PLEKHG1: variants seen among roughly 807,000 people sequenced by gnomAD.
PLEKHG1 encodes the protein pleckstrin homology and RhoGEF domain containing G1.
Under a neutral mutation model 100.8 loss-of-function variants are expected in PLEKHG1, and 44 were observed. That is an observed-to-expected ratio of 0.44 (90% CI 0.34 to 0.56). The LOEUF is 0.56. Ranked by LOEUF, PLEKHG1 falls within the 20% of genes least tolerant of loss-of-function variation. PLEKHG1 has a pLI of 0.01. For missense variants in PLEKHG1, 1,545 were observed against 1,720.9 expected (o/e 0.90, Z 1.81); for synonymous variants, 640 against 662.5 (o/e 0.97, Z 0.52).
chr6:150,820,053 A>G (rs533060599), intron 12 of PLEKHG1, among the ~76,000 whole-genome samples: 1 of 152,264 alleles, frequency 6.6e-6, no homozygotes, highest in African/African-American at 2.4e-5. Context: ...TAGTAAAAAT[A>G]TAAAAGTTAG....
At chr6:150,776,918 CAT>C (rs1785003133) in intron 3 of PLEKHG1, among the ~76,000 whole-genome samples, 1 of 151,188 alleles carries the variant, frequency 6.6e-6, no homozygotes, top group Non-Finnish European at 1.5e-5. Flanking sequence ...TCCTGGTGCA[CAT>C]GTGCGGTTTC....
intron 3 of PLEKHG1, among the ~76,000 whole-genome samples, chr6:150,769,997 G>A (rs1342578321): frequency 6.6e-6 from 1 of 152,136 alleles, no homozygotes. Flanking sequence ...CAGGCCCATA[G>A]GAGGCATCCA....
chr6:150,741,789 CTCT>C (rs1281848711), intron 2 of PLEKHG1, among the ~76,000 whole-genome samples: 1 of 152,194 alleles, frequency 6.6e-6, no homozygotes, highest in Non-Finnish European at 1.5e-5. Flanking sequence ...AAGTTCAGCC[CTCT>C]TCTTAATCTC....
intron 3 of PLEKHG1, among the ~76,000 whole-genome samples, chr6:150,689,697 T>C (rs1022245132): frequency 1.1e-4 from 17 of 151,850 alleles, no homozygotes; most frequent in African/African-American, 3.9e-4. Flanking sequence ...CTCTACTAAA[T>C]GCAAAAGATT....
At chr6:150,616,733 T>A (rs921880874) in intron 1 of PLEKHG1, among the ~76,000 whole-genome samples, 6 of 152,244 alleles carry the variant, frequency 3.9e-5, no homozygotes, top group Non-Finnish European at 2.9e-5. Flanking sequence ...GTTATCAATC[T>A]TTCATGGTGA....
At chr6:150,759,665 A>G (rs917532410) in intron 2 of PLEKHG1, among the ~76,000 whole-genome samples, 1 of 152,136 alleles carries the variant, frequency 6.6e-6, no homozygotes, top group Non-Finnish European at 1.5e-5. Context: ...GAGAGAATGC[A>G]TATAAAGCAG....
At chr6:150,680,568 G>A (rs750776499) in intron 3 of PLEKHG1, among the ~76,000 whole-genome samples, 5 of 152,216 alleles carry the variant, frequency 3.3e-5, no homozygotes, top group African/African-American at 1.2e-4. Flanking sequence ...GAAGAGGGAT[G>A]TTGGTACAGG....
At chr6:150,792,371 A>C (rs1786035412) in intron 4 of PLEKHG1, among the ~76,000 whole-genome samples, 1 of 149,710 alleles carries the variant, frequency 6.7e-6, no homozygotes, top group Non-Finnish European at 1.5e-5. Context: ...AAAAAAAAAA[A>C]CCAAAAAAAC....
chr6:150,785,650 T>A (rs1286192494), intron 3 of PLEKHG1, among the ~76,000 whole-genome samples: 7 of 152,140 alleles, frequency 4.6e-5, no homozygotes, highest in Admixed American at 2.6e-4. Flanking sequence ...TGATTTTTCA[T>A]TGAATGCTTG....
intron 1 of PLEKHG1, among the ~76,000 whole-genome samples, chr6:150,732,668 A>G (rs1356500613): frequency 6.6e-6 from 1 of 152,208 alleles, no homozygotes; most frequent in Non-Finnish European, 1.5e-5. Flanking sequence ...CCCAGGCTGG[A>G]GTTCAGTGGC....
At chr6:150,700,592 G>T (rs887074780) in intron 3 of PLEKHG1, among the ~76,000 whole-genome samples, 2 of 152,164 alleles carry the variant, frequency 1.3e-5, no homozygotes, top group Non-Finnish European at 2.9e-5. Context: ...TCACATATTC[G>T]AGATTCTCTA....
intron 10 of PLEKHG1, among the ~76,000 whole-genome samples, chr6:150,810,539 G>GA (rs1562540321): frequency 2.9e-5 from 3 of 104,942 alleles, no homozygotes; most frequent in Admixed American, 8.7e-5. Context: ...AGAAAGAAAG[G>GA]AAGAAAGGAA....
intron 2 of PLEKHG1, among the ~76,000 whole-genome samples, chr6:150,644,334 G>GTTTTTTTT (rs57840463): frequency 3.4e-4 from 40 of 117,586 alleles, no homozygotes; most frequent in African/African-American, 6.3e-4. Context: ...TTCTTTTCGT[G>GTTTTTTTT]TTTTTTTTTT....
chr6:150,658,155 C>T lies in PLEKHG1; in HGVS notation c.-99+7369C>T, dbSNP rs1197806397. 3.3e-5 allele frequency among the ~76,000 whole-genome samples: 5 copies of T among 152,224 alleles called. No individual in the cohort carries two copies. The East Asian group carries it at 9.7e-4, about 29-fold the overall frequency. ...TCGTCCTCATTTCAGTTGCATTGTC[C>T]AGGGTAGGCATACTTCAGAAGTCTG... is the stretch of plus-strand genomic sequence containing the variant. On this transcript the variant is annotated intron_variant, in intron 3 of 3. Transcript: ENST00000367326.
intron 3 of PLEKHG1, among the ~76,000 whole-genome samples, chr6:150,659,634 G>C (rs2172329): frequency 6.6e-6 from 1 of 152,194 alleles, no homozygotes; most frequent in East Asian, 1.9e-4. Flanking sequence ...AGACCTTATC[G>C]GTCCTTTTAA....
At chr6:150,828,041 CTG>C in intron 14 of PLEKHG1, 2 of 1,613,078 alleles carry the variant, frequency 1.2e-6, no homozygotes, top group Non-Finnish European at 1.7e-6. Flanking sequence ...GAATTCCCCT[CTG>C]TGCCCTGATA....
At chr6:150,604,162 TAAC>T (rs1477285348) in intron 1 of PLEKHG1, among the ~76,000 whole-genome samples, 2 of 152,242 alleles carry the variant, frequency 1.3e-5, no homozygotes, top group Non-Finnish European at 2.9e-5. Flanking sequence ...ATGAGTCTAA[TAAC>T]AGCTAAAACT....
intron 3 of PLEKHG1, among the ~76,000 whole-genome samples, chr6:150,781,938 A>ATTTTTT (rs575472001): frequency 7.0e-6 from 1 of 143,564 alleles, no homozygotes; most frequent in Non-Finnish European, 1.5e-5. Context: ...CGCCCGGCTA[A>ATTTTTT]TTTTTTTTTT....
At chr6:150,709,214 T>C (rs1270639408) in intron 3 of PLEKHG1, among the ~76,000 whole-genome samples, 1 of 152,044 alleles carries the variant, frequency 6.6e-6, no homozygotes, top group African/African-American at 2.4e-5. Flanking sequence ...GAGCCTGTAG[T>C]TCCCAGCTAC....
Sources: gnomAD v4.1 joint callset for allele counts (sites outside exome capture counted in the v4.1 genomes callset) on GRCh38, gnomAD v4.1.1 for gene constraint, MANE v1.5 for transcripts, NCBI Gene and HGNC (gene_info 2026-07-23, HGNC 2026-07-21) for gene names.